Variants in RELN observed in about 807,000 individuals in gnomAD.
RELN encodes reelin.
Under a neutral mutation model 427.6 loss-of-function variants are expected in RELN, and 108 were observed. The observed-to-expected ratio is 0.25, with a 90% CI of 0.22 to 0.30. RELN has a LOEUF of 0.30. RELN is among the 10% of genes least tolerant of loss of function. RELN has a pLI of 1.00. For synonymous variants in RELN, 1,524 were observed against 1,513.4 expected (o/e 1.01, Z -0.16); for missense variants, 3,715 against 4,302.8 (o/e 0.86, Z 3.82).
At chr7:103,893,742 C>G (rs1794898937) in intron 2 of RELN, among the ~76,000 whole-genome samples, 1 of 152,008 alleles carries the variant, frequency 6.6e-6, no homozygotes, top group African/African-American at 2.4e-5. Flanking sequence ...CCTCACATAA[C>G]CAAAAAAATT....
intron 6 of RELN, among the ~76,000 whole-genome samples, chr7:103,740,069 A>C (rs1054994281): frequency 6.6e-6 from 1 of 152,190 alleles, no homozygotes; most frequent in East Asian, 1.9e-4. Flanking sequence ...TGGGGACCAG[A>C]GGTGCATCCT....
intron 2 of RELN, among the ~76,000 whole-genome samples, chr7:103,909,047 A>C (rs1444582166): frequency 6.6e-6 from 1 of 152,208 alleles, no homozygotes; most frequent in Non-Finnish European, 1.5e-5. Flanking sequence ...GGTTATTCTA[A>C]GTAAAGCATT....
chr7:103,733,539 A>C (rs559695834), intron 6 of RELN, among the ~76,000 whole-genome samples: 5 of 147,632 alleles, frequency 3.4e-5, no homozygotes, highest in Admixed American at 6.8e-5. Flanking sequence ...TGGAACCAAC[A>C]CAAATGTCCA....
chr7:103,537,905 A>G (rs776595358), intron 45 of RELN, among the ~76,000 whole-genome samples: 2 of 152,140 alleles, frequency 1.3e-5, no homozygotes, highest in African/African-American at 4.8e-5. Flanking sequence ...AATGTTCCCT[A>G]ACTTCTTAGA....
At chr7:103,676,302 C>T (rs548612566) in intron 11 of RELN, among the ~76,000 whole-genome samples, 18 of 152,210 alleles carry the variant, frequency 1.2e-4, no homozygotes, top group African/African-American at 4.3e-4. Context: ...CTCATCATCA[C>T]TGGCCATCAG....
chr7:103,878,580 A>C (rs1415051337), intron 2 of RELN, among the ~76,000 whole-genome samples: 1 of 152,152 alleles, frequency 6.6e-6, no homozygotes, highest in East Asian at 1.9e-4. Flanking sequence ...ATGGGGCTCC[A>C]GCAATGCAGG....
intron 14 of RELN, among the ~76,000 whole-genome samples, chr7:103,652,317 C>A (rs1832935768): frequency 6.6e-6 from 1 of 151,390 alleles, no homozygotes; most frequent in Non-Finnish European, 1.5e-5. Context: ...ATGCAAACAC[C>A]TCTGATACCT....
chr7:103,833,750 A>C lies in RELN; in HGVS notation c.338-78T>G, dbSNP rs1793331106. On this transcript the variant is annotated intron_variant, in intron 2 of 64. Transcript: ENST00000428762. The stretch of plus-strand genomic sequence containing the variant: ...TATCATGGCATCACAGTATTTTCTG[A>C]ATATTTTTCTTTCATGTTAAGGTTC... 7.1e-6 allele frequency: 10 copies of C among 1,418,016 alleles called. No individual in the cohort carries two copies. In the South Asian group the frequency reaches 8.6e-5, roughly 12 times the overall value. 87.8% of individuals were successfully genotyped at this position (1,418,016 alleles called of 1,614,324 possible).
intron 2 of RELN, among the ~76,000 whole-genome samples, chr7:103,898,596 T>A (rs1795013527): frequency 6.6e-6 from 1 of 152,062 alleles, no homozygotes; most frequent in Non-Finnish European, 1.5e-5. Context: ...GTGCCACTAT[T>A]GAGTGTGCGT....
intron 4 of RELN, among the ~76,000 whole-genome samples, chr7:103,766,016 CT>C (rs1791417307): frequency 6.6e-6 from 1 of 152,172 alleles, no homozygotes; most frequent in South Asian, 2.1e-4. Context: ...TGAATCAGCT[CT>C]TTGTCATTCC....
intron 53 of RELN, among the ~76,000 whole-genome samples, chr7:103,498,490 CTA>C (rs1289127668): frequency 3.1e-5 from 4 of 128,948 alleles, no homozygotes; most frequent in African/African-American, 1.1e-4. Context: ...GTAAAGTTGA[CTA>C]TATCAATTTT....
At chr7:103,700,874 T>A (rs1376714431) in intron 9 of RELN, 36 bp downstream of exon 9, 1 of 1,299,356 alleles carries the variant, frequency 7.7e-7, no homozygotes, top group South Asian at 1.2e-5. Context: ...TCCATCTATG[T>A]CAGAATTTAT....
At chr7:103,940,492 C>G (rs958776340) in intron 1 of RELN, among the ~76,000 whole-genome samples, 8 of 152,152 alleles carry the variant, frequency 5.3e-5, no homozygotes. Flanking sequence ...ACTAAAAACA[C>G]AAAGTATACT....
In RELN at chr7:103,878,532, T is replaced by C. The variant is rs147708126; in HGVS notation, c.337+38543A>G. Among the ~76,000 whole-genome samples the C allele has an allele frequency of 2.2e-3, 332 of 152,220 alleles. 3 individuals carry two copies. The highest frequency in any genetic ancestry group is 7.7e-3 in the African/African-American group (320 of 41,546). ...TCTAGAAACAAGAGTAGGTGTTCAC[T>C]AGAGACCTCACCTGGGGCGCTGACT... On this transcript the variant is annotated intron_variant, in intron 2 of 64. Transcript: ENST00000428762.
At chr7:103,769,640 C>T (rs745958452) in intron 4 of RELN, among the ~76,000 whole-genome samples, 10 of 152,194 alleles carry the variant, frequency 6.6e-5, no homozygotes, top group Non-Finnish European at 1.5e-4. Flanking sequence ...GCATTCTCTC[C>T]TCAGTCTCAT....
intron 24 of RELN, 95 bp from the exon 25 acceptor site, chr7:103,596,756 A>G: frequency 3.8e-6 from 4 of 1,043,310 alleles, no homozygotes; most frequent in Admixed American, 1.8e-5. Flanking sequence ...TCTTAGCACT[A>G]TGTGGAAATG....
intron 6 of RELN, among the ~76,000 whole-genome samples, chr7:103,745,821 C>T (rs1428296695): frequency 3.3e-5 from 5 of 152,060 alleles, no homozygotes; most frequent in African/African-American, 2.4e-5. Flanking sequence ...GAATCAATAT[C>T]GTGAAAATGG....
intron 15 of RELN, 73 bp from the exon 16 acceptor site, chr7:103,650,456 C>T (rs1046971264): frequency 1.1e-6 from 1 of 939,994 alleles, no homozygotes; most frequent in African/African-American, 1.6e-5. Context: ...ACATGGTTTT[C>T]ATGTTCTAGC....
At chr7:103,762,776 C>G (rs1269501306) in intron 4 of RELN, among the ~76,000 whole-genome samples, 4 of 152,162 alleles carry the variant, frequency 2.6e-5, no homozygotes, top group Non-Finnish European at 5.9e-5. Context: ...TTTCTTTTCA[C>G]TTTCCTTTAC....
Sources: allele counts gnomAD v4.1 joint callset (sites outside exome capture counted in the v4.1 genomes callset), GRCh38; gene constraint gnomAD v4.1.1; transcripts MANE v1.5; gene names NCBI Gene and HGNC (gene_info 2026-07-23, HGNC 2026-07-21).